SBNO2: variants seen among roughly 807,000 people sequenced by gnomAD.
SBNO2 encodes the protein strawberry notch homolog 2.
Under a neutral mutation model 146.3 loss-of-function variants are expected in SBNO2, and 89 were observed. The observed-to-expected ratio is 0.61, with a 90% CI of 0.51 to 0.73. The LOEUF (loss-of-function observed/expected upper bound fraction) is 0.73, where lower values mean the gene tolerates loss of function less well. SBNO2 is among the 30% of genes least tolerant of loss of function. The pLI, the probability that SBNO2 is intolerant of heterozygous loss-of-function variation, is 0.00. For missense variants in SBNO2, 2,092 were observed against 2,003.7 expected, an observed-to-expected ratio of 1.04 and a Z score of -0.84; for synonymous variants, 1,147 against 892.6, an observed-to-expected ratio of 1.29 and a Z score of -5.08.
Position 1,108,413 on chromosome 19 carries a change from A to T in SBNO2, c.3908T>A (p.Leu1303His). The T allele has an allele frequency of 7.9e-7, 1 of 1,271,568 alleles. No homozygotes were observed. The allele number at this position is 1,271,568 out of a possible 1,614,324, so 78.8% of individuals were successfully genotyped here. A position where few individuals can be genotyped will look rare whatever the true frequency, so the allele number is the denominator to read the frequency against. The change falls in exon 32 of 32, where the codon CTC becomes CAC. Residue 1303 changes from leucine to histidine, a missense_variant. Physicochemically the swap from Leu to His is moderately conservative, Grantham distance 99 (BLOSUM62 -3). Coordinates refer to ENST00000361757, the MANE Select transcript of SBNO2 (RefSeq NM_014963.3). Reference protein sequence around the residue: ...TPDAQADPAALAHQGCDINFK... With the variant: ...TPDAQADPAAHAHQGCDINFK... Reference sequence around the variant, plus strand: ...GTTGATGTCGCAGCCCTGGTGCGCGAGGGCCGCAGGGTCGGCCTGGGCGTC... The same window carrying T: ...GTTGATGTCGCAGCCCTGGTGCGCGTGGGCCGCAGGGTCGGCCTGGGCGTC...
chr19:1,109,471 C>A lies in SBNO2; in HGVS notation c.3216+35G>T. On this transcript the variant is annotated intron_variant, in intron 28 of 31. Coordinates refer to ENST00000361757, the MANE Select transcript of SBNO2 (RefSeq NM_014963.3). The surrounding 1 kb of genome is among the most constrained non-coding windows in gnomAD (Gnocchi z 4.2). ...CGCGCCCCGGTCCGCCCCCCGCGGG[C>A]CCTCCTCTGGGGGGGTAACCCCGCC... 6.4e-7 allele frequency: 1 copy of A among 1,572,700 alleles called. No homozygotes were observed. Among genetic ancestry groups the A allele is most frequent in the Non-Finnish European group, 8.6e-7 (1 of 1,160,686 alleles).
intron 5 of SBNO2, 56 bp downstream of exon 5, chr19:1,127,548 G>A (rs2079979596): frequency 1.3e-6 from 2 of 1,555,922 alleles, no homozygotes; most frequent in Non-Finnish European, 1.8e-6. Flanking sequence ...TGGGTCCCGG[G>A]CTGGGGAGGC....
intron 4 of SBNO2, among the ~76,000 whole-genome samples, chr19:1,142,487 C>G (rs1297614303): frequency 2.0e-5 from 3 of 152,228 alleles, no homozygotes; most frequent in Non-Finnish European, 4.4e-5. Context: ...CGAGACCAGC[C>G]TGGCCAATAT....
Position 1,113,842 on chromosome 19 carries a change from G to A in SBNO2, c.2078-138C>T, listed in dbSNP as rs1319573758. On this transcript the variant is annotated intron_variant, in intron 18 of 31. Coordinates refer to ENST00000361757, the MANE Select transcript of SBNO2 (RefSeq NM_014963.3). The stretch of plus-strand genomic sequence containing the variant: ...GGACGGCAGGGTGGCGGGGAAGCCC[G>A]GCACCGTGGCCCAGGACTGCTTTTC... 41 of 1,152,642 alleles carry A rather than the reference G, an allele frequency of 3.6e-5. 1 individual carries two copies. The highest frequency in any genetic ancestry group is 6.3e-5 in the East Asian group (2 of 31,652). 71.4% of individuals were successfully genotyped at this position (1,152,642 alleles called of 1,614,324 possible).
chr19:1,161,855 C>A (rs1482707779), intron 1 of SBNO2, among the ~76,000 whole-genome samples: 1 of 130,474 alleles, frequency 7.7e-6, no homozygotes, highest in South Asian at 2.4e-4. Flanking sequence ...GTCAGTCAGG[C>A]GGCAGGGCCA....
chr19:1,123,760 G>A (rs1004669047), intron 6 of SBNO2, 121 bp from the exon 7 acceptor site: 7 of 1,103,448 alleles, frequency 6.3e-6, no homozygotes, highest in East Asian at 5.2e-5. Flanking sequence ...GGTGGGAGAC[G>A]GCTCTGTCTG....
In SBNO2 at chr19:1,152,857, A is replaced by G. The variant is rs2080255297; in HGVS notation, c.93+1327T>C. ...GAGGGCAGCCCCTCTGTCTCCAGGT[A>G]AATCCCCAGGCAGGGCCGGGCGCGG... On this transcript the variant is annotated intron_variant, in intron 2 of 31. Transcript: ENST00000361757. Among the ~76,000 whole-genome samples the G allele has an allele frequency of 1.3e-5, 2 of 152,176 alleles. 1 individual carries two copies. The highest frequency in any genetic ancestry group is 4.1e-4 in the South Asian group (2 of 4,832).
At chr19:1,152,443 G>GGTTTCGGGGGATGGAGCT (rs1394228647) in intron 2 of SBNO2, among the ~76,000 whole-genome samples, 2 of 152,186 alleles carry the variant, frequency 1.3e-5, no homozygotes, top group African/African-American at 4.8e-5. Flanking sequence ...GCTCCTGGCG[G>GGTTTCGGGGGATGGAGCT]GTTTCGGGGG....
intron 4 of SBNO2, among the ~76,000 whole-genome samples, chr19:1,142,157 CCTCA>C (rs1210792288): frequency 1.6e-4 from 24 of 151,910 alleles, no homozygotes; most frequent in African/African-American, 4.8e-4. Flanking sequence ...CACGATCAAT[CCTCA>C]CTCAATGACC....
At position 1,112,565 on chromosome 19, in the gene SBNO2, G is replaced by A. The variant is rs116525097; in HGVS notation, c.2380-28C>T. The A allele has an allele frequency of 2.1e-3, 3,252 of 1,578,162 alleles. 62 individuals are homozygous for A. The African/African-American group carries it at 0.035, about 17-fold the overall frequency. ...AGGGGGAAAGAAGGGGCCGGGACAC[G>A]GTTGGTGCAAGGCCCGCCCCAGCGT... On this transcript the variant is annotated intron_variant, in intron 20 of 31. Transcript: ENST00000361757. This position sits in a 1 kb window ranked among gnomAD's most constrained non-coding sequence, Gnocchi z 5.9.
In SBNO2 at chr19:1,122,963, G is replaced by A. The variant is rs1391803043; in HGVS notation, c.711C>T (p.Thr237=). 1.3e-6 allele frequency: 2 copies of A among 1,570,778 alleles called. No homozygotes were observed. The highest frequency in any genetic ancestry group is 1.2e-5 in the South Asian group (1 of 85,256). The stretch of plus-strand genomic sequence containing the variant: ...CCCCGCTGTCCGAGGGCAGGGCCAG[G>A]GTGTAGGTGATGTCTGGGGGTGGGA... ...SSVPPPDITY[T]LALPSDSGAL... Residue 237 remains threonine, a synonymous_variant, in exon 8 of 32, where the codon ACC becomes ACT. Coordinates refer to ENST00000361757, the MANE Select transcript of SBNO2 (RefSeq NM_014963.3).
intron 1 of SBNO2, among the ~76,000 whole-genome samples, chr19:1,170,866 AAC>A (rs1388584981): frequency 1.3e-5 from 2 of 151,668 alleles, no homozygotes; most frequent in Non-Finnish European, 2.9e-5. Flanking sequence ...CCACAACACA[AAC>A]ACACACAAAA....
rs780685301 is a variant in SBNO2 at position 1,127,645 on chromosome 19, T to C, written c.400A>G (p.Thr134Ala). ...GGGGCAGGGTTATCGTCCCAGATGGTGGACACCTGGTTGAGGCTGTCAGCC... is the reference window on the plus strand; with the variant it reads ...GGGGCAGGGTTATCGTCCCAGATGGCGGACACCTGGTTGAGGCTGTCAGCC... ...LPADSLNQVS[T>A]IWDDNPAPST... Residue 134 changes from threonine to alanine, a missense_variant, in exon 5 of 32, where the codon ACC becomes GCC. By Grantham distance (58) the Thr-to-Ala change is moderately conservative (BLOSUM62 0). Coordinates refer to ENST00000361757, the MANE Select transcript of SBNO2 (RefSeq NM_014963.3). 6.8e-6 allele frequency: 11 copies of C among 1,613,206 alleles called. No individual in the cohort carries two copies. Among genetic ancestry groups the C allele is most frequent in the South Asian group, 1.1e-5 (1 of 91,078 alleles).
At chr19:1,162,270 T>C (rs1266231403) in intron 1 of SBNO2, among the ~76,000 whole-genome samples, 2 of 8,222 alleles carry the variant, frequency 2.4e-4, no homozygotes, top group Non-Finnish European at 5.0e-4. Flanking sequence ...CCAGCCTGGC[T>C]AACACGGTGA....
intron 18 of SBNO2, 122 bp downstream of exon 18, chr19:1,114,109 T>G: frequency 1.2e-6 from 1 of 857,088 alleles, no homozygotes; most frequent in Non-Finnish European, 1.7e-6. Context: ...CAACCTGGGG[T>G]GGGTGGTGAC....
At chr19:1,120,070 C>T (rs1008893865) in intron 11 of SBNO2, 47 bp from the exon 12 acceptor site, 2 of 1,457,160 alleles carry the variant, frequency 1.4e-6, no homozygotes, top group African/African-American at 1.4e-5. Context: ...CGGGGGCGAC[C>T]CCAGGAGCCC....
chr19:1,164,387 CAGGAGGAGGAGGAGG>C (rs1163081216), intron 1 of SBNO2, among the ~76,000 whole-genome samples: 9 of 56,060 alleles, frequency 1.6e-4, no homozygotes, highest in Middle Eastern at 0.017. Flanking sequence ...GCAGTGGAGA[CAGGAGGAGGAGGAGG>C]AGGAGGAGGA....
chr19:1,112,837 C>T lies in SBNO2; in HGVS notation c.2360G>A (p.Arg787His), dbSNP rs1382998961. ...CCGCACCTTCTCGCCGCTCATGAAGCGCTGCTTCTCCCTGAGGTTCACGTG... is the reference window on the plus strand; with the variant it reads ...CCGCACCTTCTCGCCGCTCATGAAGTGCTGCTTCTCCCTGAGGTTCACGTG... ...IDHVNLREKQ[R>H]FMSGEKLVAI... Residue 787 changes from arginine (R) to histidine (H), a missense_variant, in exon 20 of 32, where the codon CGC becomes CAC. Transcript: ENST00000361757. The surrounding 1 kb of genome is among the most constrained non-coding windows in gnomAD (Gnocchi z 5.9). 7 of 1,574,614 alleles carry T rather than the reference C, an allele frequency of 4.4e-6. No homozygotes were observed. The highest frequency in any genetic ancestry group is 1.2e-5 in the South Asian group (1 of 85,798).
At chr19:1,133,610 G>A (rs2080056331) in intron 4 of SBNO2, among the ~76,000 whole-genome samples, 1 of 152,224 alleles carries the variant, frequency 6.6e-6, no homozygotes, top group Admixed American at 6.5e-5. Context: ...ACGGGTCCGT[G>A]CCGCTGGGGC....
Sources: gnomAD v4.1 joint callset for allele counts (sites outside exome capture counted in the v4.1 genomes callset) on GRCh38, gnomAD v4.1.1 for gene constraint, Gnocchi (gnomAD v3.1) non-coding constraint, MANE v1.5 for transcripts, NCBI Gene and HGNC (gene_info 2026-07-23, HGNC 2026-07-21) for gene names.